The following VRK3 variants were observed in gnomAD, a reference collection of about 807,000 sequenced individuals.
VRK3 encodes the protein VRK serine/threonine kinase 3, also known as serine/threonine-protein kinase VRK3.
Under a neutral mutation model 60.4 loss-of-function variants are expected in VRK3, and 50 were observed. That is an observed-to-expected ratio of 0.83 (90% CI 0.66 to 1.05). The LOEUF (loss-of-function observed/expected upper bound fraction) is 1.05. Ranked by LOEUF, VRK3 falls within the 50% of genes least tolerant of loss-of-function variation. The pLI, the probability that VRK3 is intolerant of heterozygous loss-of-function variation, is 0.00. For missense variants in VRK3, 549 were observed against 585.3 expected (o/e 0.94, Z 0.64); for synonymous variants, 246 against 227.8 (o/e 1.08, Z -0.72).
chr19:50,009,538 A>G (rs2076960043), intron 3 of VRK3, among the ~76,000 whole-genome samples, 153 bp from the exon 4 acceptor site: 1 of 152,192 alleles, frequency 6.6e-6, no homozygotes, highest in African/African-American at 2.4e-5. Flanking sequence ...ATATATGAGC[A>G]AACTGTTCCT....
At chr19:49,978,648 A>T (rs1394998504) in intron 14 of VRK3, 1 of 161,308 alleles carries the variant, frequency 6.2e-6, no homozygotes, top group African/African-American at 2.4e-5. Flanking sequence ...GGCATGGAGC[A>T]GCTACCTTTT....
At chr19:49,994,526 C>T (rs73935115) in intron 9 of VRK3, among the ~76,000 whole-genome samples, 7,980 of 152,280 alleles carry the variant, frequency 0.052, 685 homozygotes, top group African/African-American at 0.18. Flanking sequence ...TTCCACTCAT[C>T]CTGAGAGTCT....
rs773181188 is a variant in VRK3, at chr19:50,000,825, A to C, written c.577T>G (p.Ser193Ala). 6.2e-7 allele frequency: 1 copy of C among 1,613,922 alleles called. No individual in the cohort carries two copies. Among genetic ancestry groups the C allele is most frequent in the East Asian group, 2.2e-5 (1 of 44,872 alleles). ...AAPTSTLTCD[S>A]GPQKQKFSLK... ...GAGAACTTTTGCTTCTGTGGTCCTG[A>C]GTCACAGGTGAGGGTGGAGGTGGGT... The change falls in exon 6 of 15, where the codon TCA becomes GCA. Residue 193 changes from serine to alanine, a missense_variant. Coordinates refer to ENST00000316763, the MANE Select transcript of VRK3 (RefSeq NM_016440.4).
intron 3 of VRK3, 48 bp downstream of exon 3, chr19:50,015,976 T>C (rs776808413): frequency 1.6e-5 from 26 of 1,613,112 alleles, no homozygotes; most frequent in Non-Finnish European, 2.1e-5. Flanking sequence ...CACACGTGTA[T>C]GCACCTTATT....
chr19:49,990,968 T>C (rs1275838688), intron 10 of VRK3, among the ~76,000 whole-genome samples: 2 of 151,958 alleles, frequency 1.3e-5, no homozygotes, highest in Non-Finnish European at 2.9e-5. Flanking sequence ...ATTTTTTATT[T>C]TGTACAGATG....
chr19:50,006,490 C>T (rs1037086738), intron 5 of VRK3, among the ~76,000 whole-genome samples: 41 of 151,704 alleles, frequency 2.7e-4, no homozygotes, highest in African/African-American at 9.7e-4. Context: ...ATTCTCCTGC[C>T]TCAGCCTCCC....
chr19:50,023,190 TTTTC>T (rs1238232914), intron 1 of VRK3, among the ~76,000 whole-genome samples: 1 of 152,200 alleles, frequency 6.6e-6, no homozygotes, highest in Non-Finnish European at 1.5e-5. Flanking sequence ...GTGTTTTTTC[TTTTC>T]TTTTTTTTGA....
At chr19:49,985,191 C>T (rs1281579609) in intron 12 of VRK3, among the ~76,000 whole-genome samples, 3 of 152,156 alleles carry the variant, frequency 2.0e-5, no homozygotes, top group African/African-American at 7.2e-5. Flanking sequence ...CTCCAGCGGG[C>T]CACTCATTCT....
At chr19:50,005,152 G>A (rs1295037366) in intron 5 of VRK3, among the ~76,000 whole-genome samples, 2 of 148,932 alleles carry the variant, frequency 1.3e-5, no homozygotes, top group African/African-American at 5.2e-5. Context: ...CAGGAGACAG[G>A]GGACAAGGCG....
At chr19:50,021,769 G>A (rs939535006) in intron 1 of VRK3, among the ~76,000 whole-genome samples, 1 of 152,240 alleles carries the variant, frequency 6.6e-6, no homozygotes, top group Non-Finnish European at 1.5e-5. Context: ...AGTCCCTGCT[G>A]CACAGAGAGG....
chr19:49,992,516 C>T (rs7253409), intron 10 of VRK3, among the ~76,000 whole-genome samples: 1,660 of 152,296 alleles, frequency 0.011, 26 homozygotes, highest in African/African-American at 0.038. Context: ...TTCCTACTTC[C>T]TTATATCCTT....
At chr19:50,021,206 G>A (rs972169340) in intron 1 of VRK3, among the ~76,000 whole-genome samples, 6 of 152,200 alleles carry the variant, frequency 3.9e-5, no homozygotes, top group African/African-American at 1.4e-4. Context: ...TGTGGCATTT[G>A]TATTTTCCAA....
chr19:50,004,881 G>A (rs971289118), intron 5 of VRK3, among the ~76,000 whole-genome samples: 3 of 151,786 alleles, frequency 2.0e-5, no homozygotes, highest in African/African-American at 7.3e-5. Flanking sequence ...CCGCACTCCA[G>A]CCTGGGTGAT....
chr19:50,000,438 T>TACGAGC (rs1428144660), intron 6 of VRK3: 19 of 338,482 alleles, frequency 5.6e-5, no homozygotes, highest in Middle Eastern at 1.9e-3. Context: ...AGGTGCTCGA[T>TACGAGC]ACGAGCACGC....
At chr19:50,015,946 G>T in intron 3 of VRK3, 78 bp downstream of exon 3, 1 of 1,590,486 alleles carries the variant, frequency 6.3e-7, no homozygotes, top group Non-Finnish European at 8.6e-7. Flanking sequence ...GGCTGCAAAG[G>T]CATCCTCCCT....
chr19:49,992,583 CTT>C (rs898642583), intron 10 of VRK3, among the ~76,000 whole-genome samples: 1 of 152,146 alleles, frequency 6.6e-6, no homozygotes, highest in African/African-American at 2.4e-5. Context: ...AAAATAGTAT[CTT>C]GTTTTAAGTT....
At chr19:50,003,375 A>G (rs2076840991) in intron 5 of VRK3, among the ~76,000 whole-genome samples, 1 of 152,218 alleles carries the variant, frequency 6.6e-6, no homozygotes, top group Non-Finnish European at 1.5e-5. Context: ...ACAGGAAACT[A>G]ACACAAGCCC....
At chr19:50,004,408 C>T (rs962448748) in intron 5 of VRK3, among the ~76,000 whole-genome samples, 1 of 152,154 alleles carries the variant, frequency 6.6e-6, no homozygotes, top group South Asian at 2.1e-4. Flanking sequence ...GATCCCTTCT[C>T]GCTCTTTCTC....
intron 5 of VRK3, among the ~76,000 whole-genome samples, chr19:50,004,566 G>A (rs755064182): frequency 3.9e-5 from 6 of 152,102 alleles, no homozygotes; most frequent in Non-Finnish European, 7.4e-5. Context: ...GGGTAATATG[G>A]GTGCCTATCT....
Sources: allele counts gnomAD v4.1 joint callset (sites outside exome capture counted in the v4.1 genomes callset), GRCh38; gene constraint gnomAD v4.1.1; transcripts MANE v1.5; gene names NCBI Gene and HGNC (gene_info 2026-07-23, HGNC 2026-07-21).